Variants in RBFOX1 observed in about 807,000 individuals in gnomAD.
The protein encoded by RBFOX1 is RNA binding protein fox-1 homolog 1.
In RBFOX1, 8 loss-of-function variants were observed where a neutral mutation model predicts 57.7. The observed-to-expected ratio is 0.14, with a 90% confidence interval of 0.08 to 0.25. The LOEUF (loss-of-function observed/expected upper bound fraction) is 0.25, where lower values mean the gene tolerates loss of function less well. Among genes scored for constraint, RBFOX1 ranks in the 10% least tolerant of loss-of-function variants. The pLI, the probability that RBFOX1 is intolerant of heterozygous loss-of-function variation, is 1.00. For missense variants in RBFOX1, 611 were observed against 548.5 expected (o/e 1.11, Z -1.14); for synonymous variants, 326 against 222.4 (o/e 1.47, Z -4.15).
chr16:6,859,130 C>CACGTATATATATGT (rs1555536726), intron 3 of RBFOX1, among the ~76,000 whole-genome samples: 2 of 82,482 alleles, frequency 2.4e-5, no homozygotes, highest in East Asian at 3.4e-4. Flanking sequence ...TATATATATA[C>CACGTATATATATGT]ATATATATAC....
intron 4 of RBFOX1, among the ~76,000 whole-genome samples, chr16:7,352,109 T>A (rs560263810): frequency 6.6e-6 from 1 of 152,240 alleles, no homozygotes; most frequent in African/African-American, 2.4e-5. Flanking sequence ...CATTTCCACT[T>A]GATTGTCAAA....
At chr16:6,105,338 C>G (rs2096365484) in intron 1 of RBFOX1, among the ~76,000 whole-genome samples, 1 of 152,098 alleles carries the variant, frequency 6.6e-6, no homozygotes. Flanking sequence ...ACTTGGCATC[C>G]TTTGCATATA....
intron 2 of RBFOX1, among the ~76,000 whole-genome samples, chr16:5,549,514 A>C (rs779976589): frequency 1.3e-5 from 2 of 152,200 alleles, no homozygotes; most frequent in African/African-American, 2.4e-5. Flanking sequence ...AGATAGGCAG[A>C]TACGATAAAG....
At chr16:7,029,085 C>CGT in intron 3 of RBFOX1, among the ~76,000 whole-genome samples, 1 of 15,718 alleles carries the variant, frequency 6.4e-5, no homozygotes, top group South Asian at 3.1e-3. Flanking sequence ...TATATATACA[C>CGT]ACACACACAC....
chr16:6,176,508 TG>T, intron 1 of RBFOX1, among the ~76,000 whole-genome samples: 1 of 151,892 alleles, frequency 6.6e-6, no homozygotes, highest in African/African-American at 2.4e-5. Flanking sequence ...TTCTTCTCAT[TG>T]TAAGAGGAGG....
At chr16:6,727,612 T>G (rs1324684127) in intron 3 of RBFOX1, among the ~76,000 whole-genome samples, 1 of 152,044 alleles carries the variant, frequency 6.6e-6, no homozygotes, top group East Asian at 1.9e-4. Context: ...CATACTAGGT[T>G]TCAGTATGAA....
At chr16:5,590,347 C>G (rs975548543) in intron 2 of RBFOX1, among the ~76,000 whole-genome samples, 2 of 152,142 alleles carry the variant, frequency 1.3e-5, no homozygotes, top group Non-Finnish European at 2.9e-5. Context: ...TTTTATCTCT[C>G]ATTTGAAAAG....
intron 3 of RBFOX1, among the ~76,000 whole-genome samples, chr16:6,881,981 A>G (rs893945219): frequency 6.6e-6 from 1 of 152,182 alleles, no homozygotes; most frequent in Admixed American, 6.5e-5. Flanking sequence ...GGTTAGACAT[A>G]AAGGAGAAAT....
intron 3 of RBFOX1, among the ~76,000 whole-genome samples, chr16:6,795,355 C>T (rs1159682901): frequency 1.3e-5 from 2 of 152,118 alleles, no homozygotes; most frequent in African/African-American, 4.8e-5. Flanking sequence ...TATTGCATTT[C>T]ACCCGAGTCC....
Position 7,664,988 on chromosome 16 carries a change from C to A in RBFOX1, c.930+20C>A, listed in dbSNP as rs754914131. ...ATTTATGTAAGTATTCATTCACGTG[C>A]ATGCCATCCCCGTTTCCTCCTGGAG... On this transcript the variant is annotated intron_variant, in intron 13 of 15. Transcript: ENST00000550418. 1 of 1,613,938 alleles carries A rather than the reference C, an allele frequency of 6.2e-7. No homozygotes were observed. The highest frequency in any genetic ancestry group is 2.2e-5 in the East Asian group (1 of 44,876).
intron 3 of RBFOX1, among the ~76,000 whole-genome samples, chr16:5,673,558 C>T (rs919104599): frequency 5.3e-5 from 8 of 152,184 alleles, no homozygotes; most frequent in Non-Finnish European, 8.8e-5. Flanking sequence ...TGAGGCCAGA[C>T]CTGGTTGTTC....
At chr16:6,901,288 C>A (rs578260637) in intron 3 of RBFOX1, among the ~76,000 whole-genome samples, 2 of 152,182 alleles carry the variant, frequency 1.3e-5, no homozygotes, top group Non-Finnish European at 2.9e-5. Flanking sequence ...CTAAGCCCAT[C>A]CCTCTCCGTG....
At chr16:5,760,868 G>A (rs1334609446) in intron 3 of RBFOX1, among the ~76,000 whole-genome samples, 1 of 152,166 alleles carries the variant, frequency 6.6e-6, no homozygotes, top group Non-Finnish European at 1.5e-5. Flanking sequence ...GAGCGAGTGG[G>A]GTTTCCCTTT....
At chr16:7,108,086 C>G (rs1302144181) in intron 4 of RBFOX1, among the ~76,000 whole-genome samples, 1 of 151,964 alleles carries the variant, frequency 6.6e-6, no homozygotes, top group Non-Finnish European at 1.5e-5. Context: ...CGTTCTGATC[C>G]CAGAAATTAG....
intron 1 of RBFOX1, among the ~76,000 whole-genome samples, chr16:6,233,585 TAA>T (rs2097482418): frequency 6.6e-6 from 1 of 152,134 alleles, no homozygotes; most frequent in South Asian, 2.1e-4. Context: ...CATTGTTCAC[TAA>T]GTCTCCACAC....
chr16:7,264,163 C>G (rs2095039683), intron 4 of RBFOX1, among the ~76,000 whole-genome samples: 1 of 152,106 alleles, frequency 6.6e-6, no homozygotes, highest in African/African-American at 2.4e-5. Flanking sequence ...ATGTGCTAGG[C>G]TCCTGGACTC....
intron 2 of RBFOX1, among the ~76,000 whole-genome samples, chr16:6,646,410 T>A (rs948395712): frequency 1.1e-4 from 17 of 152,050 alleles, no homozygotes; most frequent in African/African-American, 3.6e-4. Context: ...AAGAATAAAT[T>A]GAATAATCTT....
chr16:7,028,174 T>G lies in RBFOX1; in HGVS notation c.-15-23883T>G, dbSNP rs1323090510. On this transcript the variant is annotated intron_variant, in intron 3 of 15. Transcript: ENST00000550418. ...CCAATATAATAATTGGCTTACAGAT[T>G]TGAAGAAGGATAGATAGACTCTTCC... Among the ~76,000 whole-genome samples, 4 of 152,142 alleles carry G rather than the reference T, an allele frequency of 2.6e-5. No homozygotes were observed. In the East Asian group the frequency reaches 7.7e-4, roughly 29 times the overall value.
chr16:5,909,850 C>T (rs570355424), intron 4 of RBFOX1, among the ~76,000 whole-genome samples: 2 of 151,976 alleles, frequency 1.3e-5, no homozygotes, highest in Admixed American at 6.6e-5. Flanking sequence ...TCAGGAGTTT[C>T]GAGACCAGCC....
Sources: allele counts gnomAD v4.1 joint callset (sites outside exome capture counted in the v4.1 genomes callset), GRCh38; gene constraint gnomAD v4.1.1; transcripts MANE v1.5; gene names NCBI Gene and HGNC (gene_info 2026-07-23, HGNC 2026-07-21).